Variants in AUTS2 observed in about 807,000 individuals in gnomAD.
The protein encoded by AUTS2 is activator of transcription and developmental regulator AUTS2.
A neutral mutation model predicts 112.4 loss-of-function variants in AUTS2; 17 were observed. The ratio of observed to expected loss-of-function variants is 0.15; its 90% CI spans 0.10 to 0.23. The LOEUF is 0.23. Ranked by LOEUF, AUTS2 falls within the 10% of genes least tolerant of loss-of-function variation. AUTS2 has a pLI of 1.00. For missense variants in AUTS2, 1,510 were observed against 1,701.6 expected, an observed-to-expected ratio of 0.89 and a Z score of 1.98; for synonymous variants, 751 against 702.7, an observed-to-expected ratio of 1.07 and a Z score of -1.09.
intron 1 of AUTS2, among the ~76,000 whole-genome samples, chr7:69,651,661 A>G (rs1352162521): frequency 6.6e-6 from 1 of 152,226 alleles, no homozygotes; most frequent in Non-Finnish European, 1.5e-5. Flanking sequence ...CAGAATATTC[A>G]AGGTTGATTC....
chr7:70,522,563 T>C (rs1799687327), intron 5 of AUTS2, among the ~76,000 whole-genome samples: 1 of 152,222 alleles, frequency 6.6e-6, no homozygotes, highest in Non-Finnish European at 1.5e-5. Context: ...GTATTTGTTT[T>C]TCTGTTCCTG....
At chr7:70,612,050 G>A (rs755738130) in intron 5 of AUTS2, among the ~76,000 whole-genome samples, 1 of 152,162 alleles carries the variant, frequency 6.6e-6, no homozygotes, top group African/African-American at 2.4e-5. Flanking sequence ...GTGTGCATTG[G>A]TTGTTATACT....
chr7:69,716,094 G>GT (rs959497445), intron 1 of AUTS2, among the ~76,000 whole-genome samples: 17 of 151,822 alleles, frequency 1.1e-4, no homozygotes, highest in South Asian at 2.1e-4. Flanking sequence ...GAGTTTCAGG[G>GT]TTTTTTTTGG....
chr7:70,086,677 G>T (rs923833320), intron 2 of AUTS2, among the ~76,000 whole-genome samples: 4 of 151,034 alleles, frequency 2.6e-5, no homozygotes, highest in Admixed American at 1.3e-4. Flanking sequence ...TAGTTTTCAG[G>T]TTACAAATAT....
chr7:69,824,678 C>T lies in AUTS2; in HGVS notation c.310-74608C>T, dbSNP rs1047885098. 2.0e-5 allele frequency: 3 copies of T among 152,004 alleles called. No individual in the cohort carries two copies. In the East Asian group the frequency reaches 5.8e-4, roughly 29 times the overall value. The allele number at this position is 152,004 out of a possible 1,614,324, so 9.4% of individuals were successfully genotyped here. On this transcript the variant is annotated intron_variant, in intron 1 of 18. Transcript: ENST00000342771. The stretch of plus-strand genomic sequence containing the variant: ...TTTCTGTGGACATTGTCACCTTTCC[C>T]TTCATTTTGGTAAGGCCATGGAAAC...
intron 1 of AUTS2, among the ~76,000 whole-genome samples, chr7:69,776,420 T>G (rs111733289): frequency 2.6e-3 from 401 of 152,188 alleles, no homozygotes; most frequent in African/African-American, 9.1e-3. Flanking sequence ...AAATGTAAAT[T>G]TTTTTGTTTT....
At chr7:70,611,335 G>A (rs1310956372) in intron 5 of AUTS2, among the ~76,000 whole-genome samples, 3 of 152,168 alleles carry the variant, frequency 2.0e-5, no homozygotes, top group Admixed American at 6.5e-5. Context: ...CTCCTTCTGC[G>A]GTCTAGAATG....
rs747204329 is a variant in AUTS2 at position 70,133,639 on chromosome 7, C to T, written c.625-897C>T. ...TGCAGGGATGCTTAGCTGAGACCTG[C>T]AGACCTATTCAGCATTTGCTTCACC... On this transcript the variant is annotated intron_variant, in intron 3 of 18. Coordinates refer to ENST00000342771, the MANE Select transcript of AUTS2 (RefSeq NM_015570.4). Among the ~76,000 whole-genome samples the T allele has an allele frequency of 2.6e-5, 4 of 152,206 alleles. No individual in the cohort carries two copies. In the East Asian group the frequency reaches 7.7e-4, roughly 29 times the overall value.
At chr7:69,676,343 T>C (rs1371272757) in intron 1 of AUTS2, among the ~76,000 whole-genome samples, 1 of 152,188 alleles carries the variant, frequency 6.6e-6, no homozygotes, top group Non-Finnish European at 1.5e-5. Flanking sequence ...ACAAACCTTT[T>C]CTCTCCCCTC....
chr7:70,269,169 C>T (rs1170027375), intron 4 of AUTS2, among the ~76,000 whole-genome samples: 2 of 152,178 alleles, frequency 1.3e-5, no homozygotes, highest in Non-Finnish European at 2.9e-5. Flanking sequence ...CAGACACTGC[C>T]TGATGCTCAG....
chr7:69,775,640 C>T (rs1281866301), intron 1 of AUTS2, among the ~76,000 whole-genome samples: 1 of 152,058 alleles, frequency 6.6e-6, no homozygotes, highest in Non-Finnish European at 1.5e-5. Flanking sequence ...ATGGGGATGC[C>T]TTCATTCCGC....
chr7:70,424,318 C>T (rs539565169), intron 4 of AUTS2, among the ~76,000 whole-genome samples: 58 of 152,248 alleles, frequency 3.8e-4, no homozygotes, highest in African/African-American at 1.1e-3. Flanking sequence ...AATCTCTTTT[C>T]GGTTTCAGCT....
chr7:70,318,525 A>T (rs527651186), intron 4 of AUTS2, among the ~76,000 whole-genome samples: 1 of 152,284 alleles, frequency 6.6e-6, no homozygotes, highest in African/African-American at 2.4e-5. Flanking sequence ...AAGGAAAGGC[A>T]TGTTAAGCTG....
At chr7:70,584,017 A>G (rs1802576380) in intron 5 of AUTS2, among the ~76,000 whole-genome samples, 1 of 152,212 alleles carries the variant, frequency 6.6e-6, no homozygotes, top group African/African-American at 2.4e-5. Context: ...GGACTGTGAC[A>G]TGTACAATGC....
At chr7:70,245,579 C>T (rs1291172442) in intron 4 of AUTS2, among the ~76,000 whole-genome samples, 1 of 152,098 alleles carries the variant, frequency 6.6e-6, no homozygotes, top group South Asian at 2.1e-4. Flanking sequence ...AGCTGTAATG[C>T]ATTCATTTTC....
At chr7:69,782,599 T>A (rs1216356884) in intron 1 of AUTS2, among the ~76,000 whole-genome samples, 1 of 152,114 alleles carries the variant, frequency 6.6e-6, no homozygotes, top group Non-Finnish European at 1.5e-5. Flanking sequence ...CCAAAGTCCC[T>A]GGTTGGTATG....
rs561644651 is a variant in AUTS2, at chr7:70,255,350, G to A, written c.660+120779G>A. Reference sequence around the variant, plus strand: ...GCCTCCCAAAGTGCCGGGATTATAGGCGTGAGCCACCACGCCCAGCCACGA... The same window carrying A: ...GCCTCCCAAAGTGCCGGGATTATAGACGTGAGCCACCACGCCCAGCCACGA... On this transcript the variant is annotated intron_variant, in intron 4 of 18. Transcript: ENST00000342771. 1.2e-4 allele frequency among the ~76,000 whole-genome samples: 18 copies of A among 152,218 alleles called. No homozygotes were observed. In the East Asian group the frequency reaches 3.3e-3, roughly 28 times the overall value.
intron 4 of AUTS2, among the ~76,000 whole-genome samples, chr7:70,145,108 T>C (rs186329180): frequency 5.3e-5 from 8 of 152,266 alleles, no homozygotes; most frequent in African/African-American, 1.9e-4. Context: ...TTGCTCTTCT[T>C]GTAATGCCCC....
chr7:70,589,208 C>T (rs1354656266), intron 5 of AUTS2, among the ~76,000 whole-genome samples: 6 of 152,190 alleles, frequency 3.9e-5, no homozygotes, highest in East Asian at 3.9e-4. Context: ...TGGGGCAATC[C>T]GCTCCTTCCA....
Sources: allele counts gnomAD v4.1 joint callset (sites outside exome capture counted in the v4.1 genomes callset), GRCh38; gene constraint gnomAD v4.1.1; transcripts MANE v1.5; gene names NCBI Gene and HGNC (gene_info 2026-07-23, HGNC 2026-07-21).